The following VEGFC variants were observed in gnomAD, a reference collection of about 807,000 sequenced individuals.
The protein encoded by VEGFC is vascular endothelial growth factor C.
In VEGFC, 12 loss-of-function variants were observed where a neutral mutation model predicts 46.1. The observed-to-expected ratio is 0.26, with a 90% CI of 0.17 to 0.42. The LOEUF (loss-of-function observed/expected upper bound fraction) is 0.42. Ranked by LOEUF, VEGFC falls within the 10% of genes least tolerant of loss-of-function variation. The probability of loss-of-function intolerance (pLI) is 1.00; values close to 1 mark genes in which losing one functional copy is unlikely to be tolerated. For missense variants in VEGFC, 488 were observed against 529.4 expected, an observed-to-expected ratio of 0.92 and a Z score of 0.77; for synonymous variants, 232 against 195.5, an observed-to-expected ratio of 1.19 and a Z score of -1.56.
intron 5 of VEGFC, 80 bp from the exon 6 acceptor site, chr4:176,687,600 C>T: frequency 7.4e-7 from 1 of 1,348,040 alleles, no homozygotes; most frequent in Non-Finnish European, 9.8e-7. Flanking sequence ...TTAAAAGCAT[C>T]TTCCTTTTGT....
chr4:176,787,035 T>C lies in VEGFC; in HGVS notation c.147+5130A>G, dbSNP rs151171207. ...ACACCCCAAAAACAAGCAGGACTGA[T>C]GGCAGCATCATGTAAATAAATACAT... is the stretch of plus-strand genomic sequence containing the variant. On this transcript the variant is annotated intron_variant, in intron 1 of 6. Coordinates refer to ENST00000618562, the MANE Select transcript of VEGFC (RefSeq NM_005429.5). Among the ~76,000 whole-genome samples, 721 of 152,224 alleles carry C rather than the reference T, an allele frequency of 4.7e-3. 8 individuals are homozygous for C. The highest frequency in any genetic ancestry group is 0.017 in the African/African-American group (687 of 41,540).
intron 1 of VEGFC, among the ~76,000 whole-genome samples, chr4:176,731,757 TAATAA>T (rs1372994610): frequency 6.6e-6 from 1 of 151,930 alleles, no homozygotes; most frequent in Admixed American, 6.6e-5. Context: ...TTACACAATA[TAATAA>T]AAGATATTCA....
At chr4:176,735,884 C>T (rs768997295) in intron 1 of VEGFC, among the ~76,000 whole-genome samples, 1 of 151,896 alleles carries the variant, frequency 6.6e-6, no homozygotes, top group African/African-American at 2.4e-5. Context: ...TTCCTGTAAT[C>T]TTTCAAAATG....
intron 1 of VEGFC, among the ~76,000 whole-genome samples, chr4:176,740,716 C>A (rs1423117920): frequency 6.6e-6 from 1 of 151,336 alleles, no homozygotes; most frequent in Non-Finnish European, 1.5e-5. Flanking sequence ...GAAGAAAACA[C>A]TGCCACAGGT....
At position 176,752,178 on chromosome 4, in the gene VEGFC, TGAA is replaced by T. The variant is rs1735353465; in HGVS notation, c.148-22435_148-22433del. Among the ~76,000 whole-genome samples the T allele has an allele frequency of 2.0e-5, 3 of 152,082 alleles. No homozygotes were observed. In the South Asian group the frequency reaches 6.2e-4, roughly 31 times the overall value. ...TACTCCAGTATCCTCAATATTAAAT[TGAA>T]GGCCTTCATGGAGTTAATGAAGTTC... is the stretch of plus-strand genomic sequence containing the variant. On this transcript the variant is annotated intron_variant, in intron 1 of 6. Transcript: ENST00000618562.
rs948175450 is a variant in VEGFC at position 176,687,996 on chromosome 4, A to T, written c.705-69T>A. On this transcript the variant is annotated intron_variant, in intron 4 of 6. Coordinates refer to ENST00000618562, the MANE Select transcript of VEGFC (RefSeq NM_005429.5). ...CCTAGAAGGGACCATCTCTGCTCAC[A>T]TATGTATCAAAATAATGCTCATAGA... 7.8e-6 allele frequency: 6 copies of T among 767,750 alleles called. No individual in the cohort carries two copies. The Admixed American group carries it at 1.0e-4, about 13-fold the overall frequency. The allele number at this position is 767,750 out of a possible 1,614,324, so 47.6% of individuals were successfully genotyped here.
chr4:176,731,813 C>T (rs1734969977), intron 1 of VEGFC, among the ~76,000 whole-genome samples: 1 of 151,816 alleles, frequency 6.6e-6, no homozygotes, highest in African/African-American at 2.4e-5. Flanking sequence ...CAGAGACTTT[C>T]AATTAAGTAT....
chr4:176,785,078 C>T (rs1735979207), intron 1 of VEGFC, among the ~76,000 whole-genome samples: 1 of 152,100 alleles, frequency 6.6e-6, no homozygotes, highest in African/African-American at 2.4e-5. Flanking sequence ...CTATCACAGG[C>T]AGTGTAAACA....
chr4:176,727,799 G>C lies in VEGFC; in HGVS notation c.531C>G (p.Ser177Arg). The change falls in exon 3 of 7, where the codon AGC (serine) becomes AGG (arginine). Residue 177 changes from serine to arginine, a missense_variant. Transcript: ENST00000618562. ...NSEGLQCMNT[S>R]TSYLSKTLFE... Reference sequence around the variant, plus strand: ...CCACCGTCTTGCTGAGGTAGCTCGTGCTGGTGTTCATGCACTGCAGCCCCT... The same window carrying C: ...CCACCGTCTTGCTGAGGTAGCTCGTCCTGGTGTTCATGCACTGCAGCCCCT... 6.2e-7 allele frequency: 1 copy of C among 1,613,508 alleles called. No individual in the cohort carries two copies. Among genetic ancestry groups the C allele is most frequent in the Non-Finnish European group, 8.5e-7 (1 of 1,179,644 alleles).
At chr4:176,696,625 A>C (rs567950481) in intron 4 of VEGFC, among the ~76,000 whole-genome samples, 196 of 151,562 alleles carry the variant, frequency 1.3e-3, no homozygotes, top group Non-Finnish European at 3.5e-4. Context: ...ACAGAACTGG[A>C]AAAAACTACT....
At chr4:176,786,790 T>C (rs1736008380) in intron 1 of VEGFC, among the ~76,000 whole-genome samples, 1 of 152,182 alleles carries the variant, frequency 6.6e-6, no homozygotes, top group Non-Finnish European at 1.5e-5. Flanking sequence ...CTGGTACTAA[T>C]GGGTAAAAAG....
Position 176,792,338 on chromosome 4 carries a change from G to C in VEGFC, c.-27C>G, listed in dbSNP as rs764197663. 6 of 1,457,468 alleles carry C rather than the reference G, an allele frequency of 4.1e-6. No homozygotes were observed. The highest frequency in any genetic ancestry group is 1.5e-5 in the African/African-American group (1 of 66,786). The allele number at this position is 1,457,468 out of a possible 1,614,324, so 90.3% of individuals were successfully genotyped here. A position where few individuals can be genotyped will look rare whatever the true frequency, so the allele number is the denominator to read the frequency against. Reference sequence around the variant, plus strand: ...GTGGAAGGACCGGGGGTGGGGGACCGGTCCGCTGGCGGGGGCAGGGGTGGG... The same window carrying C: ...GTGGAAGGACCGGGGGTGGGGGACCCGTCCGCTGGCGGGGGCAGGGGTGGG... On this transcript the variant is annotated 5_prime_UTR_variant, in exon 1 of 7. Coordinates refer to ENST00000618562, the MANE Select transcript of VEGFC (RefSeq NM_005429.5). The surrounding 1 kb of genome is among the most constrained non-coding windows in gnomAD (Gnocchi z 6.3).
chr4:176,792,353 G>A lies in VEGFC; in HGVS notation c.-42C>T, dbSNP rs1343888728. 7.8e-6 allele frequency: 11 copies of A among 1,404,976 alleles called. No individual in the cohort carries two copies. Among genetic ancestry groups the A allele is most frequent in the South Asian group, 4.5e-5 (3 of 66,214 alleles). 87.0% of individuals were successfully genotyped at this position (1,404,976 alleles called of 1,614,324 possible). On this transcript the variant is annotated 5_prime_UTR_variant, in exon 1 of 7. Transcript: ENST00000618562. The surrounding 1 kb of genome is among the most constrained non-coding windows in gnomAD (Gnocchi z 6.3). ...GTGGGGGACCGGTCCGCTGGCGGGG[G>A]CAGGGGTGGGGGCGCGGGCGCCCCT... is the stretch of plus-strand genomic sequence containing the variant.
At chr4:176,748,983 A>G (rs1459420511) in intron 1 of VEGFC, among the ~76,000 whole-genome samples, 1 of 152,006 alleles carries the variant, frequency 6.6e-6, no homozygotes, top group Non-Finnish European at 1.5e-5. Context: ...AACATATATA[A>G]CAAGATTAAA....
chr4:176,779,453 A>G (rs1735870499), intron 1 of VEGFC, among the ~76,000 whole-genome samples: 1 of 152,188 alleles, frequency 6.6e-6, no homozygotes, highest in South Asian at 2.1e-4. Flanking sequence ...AGTATACTGG[A>G]GTAAAAGAAT....
In VEGFC at chr4:176,687,203, G is replaced by A. The variant is rs762697526; in HGVS notation, c.1129C>T (p.His377Tyr). ...ATCTCTTACCTGCATGTTTGGTGGT[G>A]GAACTTCTTTCCTTTTAACAAGCAT... ...QKCLLKGKKFHHQTCSCYRRP... is the reference protein window; with the variant it reads ...QKCLLKGKKFYHQTCSCYRRP... Residue 377 changes from histidine (H) to tyrosine (Y), a missense_variant, in exon 6 of 7, where the codon CAC (histidine) becomes TAC (tyrosine). Physicochemically the swap from His to Tyr is moderately conservative, Grantham distance 83 (BLOSUM62 2). Transcript: ENST00000618562. 20 of 1,611,902 alleles carry A rather than the reference G, an allele frequency of 1.2e-5. No homozygotes were observed. Among genetic ancestry groups the A allele is most frequent in the South Asian group, 2.2e-5 (2 of 90,876 alleles).
chr4:176,718,904 A>G (rs971477716), intron 3 of VEGFC, among the ~76,000 whole-genome samples: 1 of 152,152 alleles, frequency 6.6e-6, no homozygotes, highest in African/African-American at 2.4e-5. Flanking sequence ...TTCATTTTCT[A>G]CTTTTTGGTT....
chr4:176,770,749 T>C (rs1373544029), intron 1 of VEGFC, among the ~76,000 whole-genome samples: 1 of 152,136 alleles, frequency 6.6e-6, no homozygotes, highest in Non-Finnish European at 1.5e-5. Context: ...GACACAGAGT[T>C]CAATACAAGC....
intron 1 of VEGFC, among the ~76,000 whole-genome samples, chr4:176,753,708 T>G (rs1658951606): frequency 6.6e-6 from 1 of 152,054 alleles, no homozygotes; most frequent in Non-Finnish European, 1.5e-5. Context: ...CAAATTAAAA[T>G]GCATAAGACA....
Sources: gnomAD v4.1 joint callset for allele counts (sites outside exome capture counted in the v4.1 genomes callset) on GRCh38, gnomAD v4.1.1 for gene constraint, Gnocchi (gnomAD v3.1) non-coding constraint, MANE v1.5 for transcripts, NCBI Gene and HGNC (gene_info 2026-07-23, HGNC 2026-07-21) for gene names.